Variants in SIM2 observed in about 807,000 individuals in gnomAD.
The protein encoded by SIM2 is SIM bHLH transcription factor 2.
In SIM2, 28 loss-of-function variants were observed where a neutral mutation model predicts 64.8. That is an observed-to-expected ratio of 0.43 (90% CI 0.32 to 0.59). SIM2 has a LOEUF of 0.59. SIM2 is among the 20% of genes least tolerant of loss of function. The pLI is 0.07. For synonymous variants in SIM2, 408 were observed against 391.1 expected (o/e 1.04, Z -0.51); for missense variants, 847 against 871.4 (o/e 0.97, Z 0.35).
intron 7 of SIM2, among the ~76,000 whole-genome samples, chr21:36,736,822 CCCTTT>C (rs1376697730): frequency 1.3e-5 from 2 of 149,640 alleles, no homozygotes; most frequent in Non-Finnish European, 3.0e-5. Context: ...CTCCCTCCCT[CCCTTT>C]CTTCTTTCTT....
At chr21:36,722,342 G>C (rs372072615) in intron 4 of SIM2, among the ~76,000 whole-genome samples, 10 of 152,188 alleles carry the variant, frequency 6.6e-5, no homozygotes, top group Admixed American at 3.3e-4. Context: ...CTCAGGGAGG[G>C]TGGAAGACTT....
intron 1 of SIM2, among the ~76,000 whole-genome samples, chr21:36,706,438 G>C (rs1208186619): frequency 6.6e-6 from 1 of 152,170 alleles, no homozygotes; most frequent in Non-Finnish European, 1.5e-5. Flanking sequence ...GACCCCTGGT[G>C]CTCCAAGAGA....
At chr21:36,740,867 G>C (rs1483767063) in intron 7 of SIM2, among the ~76,000 whole-genome samples, 3 of 152,204 alleles carry the variant, frequency 2.0e-5, no homozygotes, top group Non-Finnish European at 4.4e-5. Flanking sequence ...GAATGTTCTG[G>C]AGCTGAGGAC....
At chr21:36,743,307 C>G (rs2089187410) in intron 8 of SIM2, 80 bp from the exon 9 acceptor site, 1 of 1,333,956 alleles carries the variant, frequency 7.5e-7, no homozygotes. Flanking sequence ...TGAGAACGCC[C>G]TGCCCAAGGG....
intron 1 of SIM2, 97 bp downstream of exon 1, chr21:36,700,018 G>T (rs912431656): frequency 1.5e-6 from 2 of 1,314,208 alleles, no homozygotes; most frequent in East Asian, 5.2e-5. Flanking sequence ...GGTTGCCGCG[G>T]CCTGGCGTCC....
At chr21:36,712,471 T>G (rs2088690459) in intron 2 of SIM2, 62 bp from the exon 3 acceptor site, 1 of 1,104,390 alleles carries the variant, frequency 9.1e-7, no homozygotes, top group Non-Finnish European at 1.4e-6. Flanking sequence ...GACTGTACCA[T>G]TGTTAGATTT....
At chr21:36,721,290 A>G (rs1200645282) in intron 4 of SIM2, among the ~76,000 whole-genome samples, 1 of 152,182 alleles carries the variant, frequency 6.6e-6, no homozygotes. Context: ...GGTAATTTCT[A>G]AAAAATGAGG....
chr21:36,720,176 G>A lies in SIM2; in HGVS notation c.457+247G>A, dbSNP rs2088806398. The stretch of plus-strand genomic sequence containing the variant: ...AACCCGTGTTGAGTGCTAGGTAGAG[G>A]ACAAAAGTGGTGCAAGCCTGCTCCC... On this transcript the variant is annotated intron_variant, in intron 4 of 10. Transcript: ENST00000290399. The A allele has an allele frequency of 3.1e-5, 15 of 481,646 alleles. 1 individual carries two copies. In the South Asian group the frequency reaches 4.4e-4, roughly 14 times the overall value. The allele number at this position is 481,646 out of a possible 1,614,324, so 29.8% of individuals were successfully genotyped here.
At chr21:36,716,634 A>G (rs1249268045) in intron 3 of SIM2, among the ~76,000 whole-genome samples, 1 of 152,184 alleles carries the variant, frequency 6.6e-6, no homozygotes, top group Admixed American at 6.5e-5. Flanking sequence ...AGTGCCAAAC[A>G]ACTCTCCCCT....
rs927444451 is a variant in SIM2, at chr21:36,726,570, A to G, written c.743+252A>G. Among the ~76,000 whole-genome samples, 1 of 152,094 alleles carries G rather than the reference A, an allele frequency of 6.6e-6. No individual in the cohort carries two copies. Among genetic ancestry groups the G allele is most frequent in the Non-Finnish European group, 1.5e-5 (1 of 67,996 alleles). On this transcript the variant is annotated intron_variant, in intron 6 of 10. Coordinates refer to ENST00000290399, the MANE Select transcript of SIM2 (RefSeq NM_005069.6). The surrounding 1 kb of genome is among the most constrained non-coding windows in gnomAD (Gnocchi z 4.5). ...TATTGATTACTTATTTTATTTACTT[A>G]TTGATTACTTGTTTTATTTTATTTA...
chr21:36,704,290 C>T (rs1051546551), intron 1 of SIM2, among the ~76,000 whole-genome samples: 1 of 152,238 alleles, frequency 6.6e-6, no homozygotes, highest in Admixed American at 6.5e-5. Context: ...AAACTCACCC[C>T]TATACCCCTC....
Position 36,731,097 on chromosome 21 carries a change from TA to T in SIM2, c.797del (p.Tyr266SerfsTer21). On this transcript the variant is annotated frameshift_variant, in exon 7 of 11. Transcript: ENST00000290399. LOFTEE classifies it high-confidence loss of function. ...GCAGGACCTGATCGAGAAGACCCTA[TA>T]CCATCACGTGCACGGCTGCGACGTG... ...EPQDLIEKTL[Y>X]HHVHGCDVFH... is the part of the protein sequence containing the mutation. 6.2e-7 allele frequency: 1 copy of T among 1,614,044 alleles called. No homozygotes were observed. The highest frequency in any genetic ancestry group is 8.5e-7 in the Non-Finnish European group (1 of 1,179,994).
At chr21:36,702,470 G>T (rs1342817973) in intron 1 of SIM2, among the ~76,000 whole-genome samples, 1 of 152,248 alleles carries the variant, frequency 6.6e-6, no homozygotes, top group African/African-American at 2.4e-5. Context: ...CTTGGAATTC[G>T]TCAGGACAGC....
At chr21:36,741,933 T>A in intron 8 of SIM2, 69 bp downstream of exon 8, 1 of 1,376,880 alleles carries the variant, frequency 7.3e-7, no homozygotes. Flanking sequence ...ATGGCTCCAA[T>A]AAGCACCATC....
At chr21:36,742,871 C>T (rs570470025) in intron 8 of SIM2, among the ~76,000 whole-genome samples, 3 of 152,146 alleles carry the variant, frequency 2.0e-5, no homozygotes, top group South Asian at 2.1e-4. Context: ...TTCTCCAGGT[C>T]GACCTCTCCT....
chr21:36,711,620 A>C (rs2088678554), intron 2 of SIM2, among the ~76,000 whole-genome samples: 2 of 152,214 alleles, frequency 1.3e-5, no homozygotes, highest in South Asian at 4.1e-4. Context: ...GTAAAAATAG[A>C]ATTTGTGGCC....
intron 3 of SIM2, among the ~76,000 whole-genome samples, chr21:36,716,730 A>G (rs2088751464): frequency 6.6e-6 from 1 of 152,236 alleles, no homozygotes; most frequent in Admixed American, 6.5e-5. Flanking sequence ...AAAACATAAA[A>G]AAGCTCTTAG....
chr21:36,744,374 CGGAA>C lies in SIM2; in HGVS notation c.1168-339_1168-336del, dbSNP rs746300881. On this transcript the variant is annotated intron_variant, in intron 9 of 10. Transcript: ENST00000290399. ...AGGGAGGGAGGGAGGGAAGGAAAGA[CGGAA>C]GGAAGGAAGGAAGGGAAGGAAGGAA... is the stretch of plus-strand genomic sequence containing the variant. Among the ~76,000 whole-genome samples the C allele has an allele frequency of 3.0e-3, 304 of 102,088 alleles. 2 individuals carry two copies. The highest frequency in any genetic ancestry group is 6.7e-3 in the Middle Eastern group (1 of 150). 67.0% of individuals were successfully genotyped at this position (102,088 alleles called of 152,430 possible). A position where few individuals can be genotyped will look rare whatever the true frequency, so the allele number is the denominator to read the frequency against.
chr21:36,718,792 G>A (rs1407025925), intron 3 of SIM2, among the ~76,000 whole-genome samples: 1 of 152,298 alleles, frequency 6.6e-6, no homozygotes. Context: ...TGCTCAGAAG[G>A]CTGCTCTGCT....
Sources: allele counts gnomAD v4.1 joint callset (sites outside exome capture counted in the v4.1 genomes callset), GRCh38; gene constraint gnomAD v4.1.1; non-coding constraint Gnocchi (gnomAD v3.1); transcripts MANE v1.5; gene names NCBI Gene and HGNC (gene_info 2026-07-23, HGNC 2026-07-21).